Variants in TPST2 observed in about 807,000 individuals in gnomAD.
The protein encoded by TPST2 is tyrosylprotein sulfotransferase 2, also known as protein-tyrosine sulfotransferase 2.
A neutral mutation model predicts 27.8 loss-of-function variants in TPST2; 16 were observed. That is an observed-to-expected ratio of 0.58 (90% confidence interval 0.39 to 0.88). The LOEUF is 0.88. Ranked by LOEUF, TPST2 falls within the 40% of genes least tolerant of loss-of-function variation. The pLI, the probability that TPST2 is intolerant of heterozygous loss-of-function variation, is 0.00. For synonymous variants in TPST2, 229 were observed against 231.7 expected (o/e 0.99, Z 0.10); for missense variants, 464 against 543.1 (o/e 0.85, Z 1.45).
chr22:26,544,495 G>T, intron 2 of TPST2, 109 bp downstream of exon 2: 1 of 515,932 alleles, frequency 1.9e-6, no homozygotes, highest in Non-Finnish European at 2.5e-6. Flanking sequence ...AGCCAGGGGA[G>T]TTTGCCCAGG....
Position 26,541,437 on chromosome 22 carries a change from C to T in TPST2, c.194G>A (p.Gly65Asp). 1 of 1,597,410 alleles carries T rather than the reference C, an allele frequency of 6.3e-7. No individual in the cohort carries two copies. Among genetic ancestry groups the T allele is most frequent in the Admixed American group, 1.7e-5 (1 of 57,924 alleles). ...VGTNHVEYRY[G>D]KAMPLIFVGG... is the part of the protein sequence containing the mutation. Reference sequence around the variant, plus strand: ...CACGAAGATGAGCGGCATGGCCTTGCCATAGCGGTATTCCACGTGGTTGGT... The same window carrying T: ...CACGAAGATGAGCGGCATGGCCTTGTCATAGCGGTATTCCACGTGGTTGGT... The change falls in exon 3 of 7, where the codon GGC becomes GAC. Residue 65 changes from glycine to aspartate, a missense_variant. Gly to Asp is a moderately conservative substitution (Grantham distance 94). Coordinates refer to ENST00000338754, the MANE Select transcript of TPST2 (RefSeq NM_003595.5). This position sits in a 1 kb window ranked among gnomAD's most constrained non-coding sequence, Gnocchi z 5.9.
Position 26,526,137 on chromosome 22 carries a change from T to C in TPST2, c.*138A>G, listed in dbSNP as rs1406129341. ...TTCAATGATTCAGCTTTTGCAAACA[T>C]ATGCAAATACATTCCTCATCAGCAG... On this transcript the variant is annotated 3_prime_UTR_variant, in exon 7 of 7. Transcript: ENST00000338754. 1 of 152,272 alleles carries C rather than the reference T, an allele frequency of 6.6e-6. No individual in the cohort carries two copies. Among genetic ancestry groups the C allele is most frequent in the Admixed American group, 6.5e-5 (1 of 15,288 alleles). 9.4% of individuals were successfully genotyped at this position (152,272 alleles called of 1,614,324 possible).
chr22:26,560,626 C>G (rs59996794), intron 1 of TPST2: 9 of 1,297,224 alleles, frequency 6.9e-6, no homozygotes, highest in Admixed American at 5.0e-5. Context: ...CACCCAGATG[C>G]TTCAGTCAAC....
At chr22:26,563,621 G>A (rs1042875585) in intron 1 of TPST2, among the ~76,000 whole-genome samples, 3 of 152,082 alleles carry the variant, frequency 2.0e-5, no homozygotes, top group Non-Finnish European at 2.9e-5. Context: ...GAGCCACCAC[G>A]CCCGGCCCTC....
At chr22:26,576,766 T>C (rs1374939767) in intron 1 of TPST2, among the ~76,000 whole-genome samples, 2 of 148,818 alleles carry the variant, frequency 1.3e-5, no homozygotes, top group Non-Finnish European at 3.0e-5. Flanking sequence ...AGACAAGGAG[T>C]TCAAGACCAG....
chr22:26,526,769 T>C lies in TPST2; in HGVS notation c.*8-502A>G, dbSNP rs116716901. ...AGCTGTTTTTCATGAGAGGGTTCTT[T>C]TCTTTGGAATAGAACTATGGGATCT... On this transcript the variant is annotated intron_variant, in intron 6 of 6. Coordinates refer to ENST00000338754, the MANE Select transcript of TPST2 (RefSeq NM_003595.5). 7.0e-3 allele frequency among the ~76,000 whole-genome samples: 1,071 copies of C among 152,302 alleles called. 17 individuals are homozygous for C. Among genetic ancestry groups the C allele is most frequent in the African/African-American group, 0.024 (980 of 41,560 alleles).
chr22:26,525,218 A>G lies in TPST2; in HGVS notation c.*1057T>C, dbSNP rs571026076. On this transcript the variant is annotated 3_prime_UTR_variant, in exon 7 of 7. Coordinates refer to ENST00000338754, the MANE Select transcript of TPST2 (RefSeq NM_003595.5). ...GCCGGTCTCTCCCGGACTCTGCCCT[A>G]TGCACCTTTTTCTTTTGTTGATTTT... is the stretch of plus-strand genomic sequence containing the variant. The G allele has an allele frequency of 1.3e-5, 2 of 152,226 alleles. No individual in the cohort carries two copies. The highest frequency in any genetic ancestry group is 4.1e-4 in the South Asian group (2 of 4,822). 9.4% of individuals were successfully genotyped at this position (152,226 alleles called of 1,614,324 possible).
intron 1 of TPST2, among the ~76,000 whole-genome samples, chr22:26,559,186 T>G (rs901277815): frequency 6.6e-6 from 1 of 152,202 alleles, no homozygotes; most frequent in African/African-American, 2.4e-5. Context: ...GCCAACATGG[T>G]GAAACCCTGT....
At chr22:26,529,052 TG>T (rs1925003120) in intron 5 of TPST2, among the ~76,000 whole-genome samples, 1 of 151,730 alleles carries the variant, frequency 6.6e-6, no homozygotes, top group Non-Finnish European at 1.5e-5. Flanking sequence ...GACTAATGGC[TG>T]GGGGTCCCTA....
chr22:26,536,563 T>C (rs775004408), intron 3 of TPST2, 77 bp from the exon 4 acceptor site: 112 of 1,328,106 alleles, frequency 8.4e-5, no homozygotes, highest in Non-Finnish European at 1.1e-4. Flanking sequence ...TCAGCCACTC[T>C]GGGGCAGCAG....
At chr22:26,583,829 A>G (rs1928223667) in intron 1 of TPST2, among the ~76,000 whole-genome samples, 1 of 152,054 alleles carries the variant, frequency 6.6e-6, no homozygotes, top group Non-Finnish European at 1.5e-5. Flanking sequence ...GACAAGAGCG[A>G]GACTTCGTCT....
intron 1 of TPST2, among the ~76,000 whole-genome samples, chr22:26,549,867 T>TAAAA (rs34355172): frequency 2.1e-5 from 2 of 97,134 alleles, no homozygotes; most frequent in African/African-American, 4.0e-5. Flanking sequence ...CCCTCTCTAC[T>TAAAA]AAAAAAAAAA....
In TPST2 at chr22:26,573,249, T is replaced by G. The variant is rs138797690; in HGVS notation, c.-161+16804A>C. ...TCTCACTATGTTGTCCAGGCTGGTC[T>G]CAAACTCCTGGGCTAAAGTGATCCA... On this transcript the variant is annotated intron_variant, in intron 1 of 6. Coordinates refer to ENST00000338754, the MANE Select transcript of TPST2 (RefSeq NM_003595.5). Among the ~76,000 whole-genome samples, 462 of 152,304 alleles carry G rather than the reference T, an allele frequency of 3.0e-3. 13 individuals carry two copies. In the East Asian group the frequency reaches 0.059, roughly 19 times the overall value.
intron 4 of TPST2, chr22:26,535,954 G>A (rs1033746480): frequency 4.9e-6 from 2 of 409,600 alleles, no homozygotes; most frequent in South Asian, 2.1e-5. Flanking sequence ...AAAGACTTGA[G>A]GTGCCTTACA....
At chr22:26,581,228 A>C (rs1449986493) in intron 1 of TPST2, among the ~76,000 whole-genome samples, 1 of 152,096 alleles carries the variant, frequency 6.6e-6, no homozygotes, top group Non-Finnish European at 1.5e-5. Context: ...TTCCTCCAGG[A>C]AGTCTTCCCT....
chr22:26,564,848 T>G lies in TPST2; in HGVS notation c.-160-20173A>C, dbSNP rs1297778390. On this transcript the variant is annotated intron_variant, in intron 1 of 6. Transcript: ENST00000338754. The stretch of plus-strand genomic sequence containing the variant: ...AAGGGGTATCCTTGGACCTGCAAAG[T>G]CAGCATTACTCATCTGAATTCTGCC... 2.0e-5 allele frequency among the ~76,000 whole-genome samples: 3 copies of G among 152,046 alleles called. No individual in the cohort carries two copies. The East Asian group carries it at 5.8e-4, about 29-fold the overall frequency.
In TPST2 at chr22:26,528,176, G is replaced by A. The variant is rs191515947; in HGVS notation, c.*7+38C>T. 88 of 1,553,322 alleles carry A rather than the reference G, an allele frequency of 5.7e-5. 1 individual carries two copies. The East Asian group carries it at 1.7e-3, about 30-fold the overall frequency. ...AGAAAAGTGGCTCCGGGGCCACCCA[G>A]AAGCAGCGGGAACCCCCAGTGAAGT... is the stretch of plus-strand genomic sequence containing the variant. On this transcript the variant is annotated intron_variant, in intron 6 of 6. Coordinates refer to ENST00000338754, the MANE Select transcript of TPST2 (RefSeq NM_003595.5).
chr22:26,579,781 A>G (rs1928019290), intron 1 of TPST2, among the ~76,000 whole-genome samples: 1 of 152,094 alleles, frequency 6.6e-6, no homozygotes, highest in African/African-American at 2.4e-5. Flanking sequence ...AGAGAGAAAA[A>G]AACAGACAGA....
rs12167427 is a variant in TPST2 at position 26,581,238 on chromosome 22, T to C, written c.-161+8815A>G. ...ACCCCTTCCTCCAGGAAGTCTTCCC[T>C]GACTGCCTCCTGTCCCTGTACCAGT... is the stretch of plus-strand genomic sequence containing the variant. On this transcript the variant is annotated intron_variant, in intron 1 of 6. Transcript: ENST00000338754. Among the ~76,000 whole-genome samples, 240 of 152,292 alleles carry C rather than the reference T, an allele frequency of 1.6e-3. 1 individual carries two copies. Among genetic ancestry groups the C allele is most frequent in the African/African-American group, 5.5e-3 (227 of 41,578 alleles).
Sources: allele counts gnomAD v4.1 joint callset (sites outside exome capture counted in the v4.1 genomes callset), GRCh38; gene constraint gnomAD v4.1.1; non-coding constraint Gnocchi (gnomAD v3.1); transcripts MANE v1.5; gene names NCBI Gene and HGNC (gene_info 2026-07-23, HGNC 2026-07-21).